The following CATSPERG variants were observed in gnomAD, a reference collection of about 807,000 sequenced individuals.
CATSPERG encodes the protein cation channel sperm-associated auxiliary subunit gamma.
CATSPERG carries 115 observed loss-of-function variants against 145.0 expected under a neutral mutation model. That is an observed-to-expected ratio of 0.79 (90% CI 0.68 to 0.93). The LOEUF (loss-of-function observed/expected upper bound fraction) is 0.93, where lower values mean the gene tolerates loss of function less well. Among genes scored for constraint, CATSPERG ranks in the 40% least tolerant of loss-of-function variants. The pLI is 0.00. For missense variants in CATSPERG, 1,296 were observed against 1,490.1 expected (o/e 0.87, Z 2.14); for synonymous variants, 588 against 589.0 (o/e 1.00, Z 0.02).
chr19:38,368,667 C>G (rs1970496758), intron 26 of CATSPERG, among the ~76,000 whole-genome samples: 1 of 152,216 alleles, frequency 6.6e-6, no homozygotes, highest in Admixed American at 6.5e-5. Flanking sequence ...TCTCAGCCTC[C>G]TGTTTATTTT....
chr19:38,356,713 C>A (rs775163239), intron 10 of CATSPERG, 29 bp from the exon 11 acceptor site: 16 of 1,612,124 alleles, frequency 9.9e-6, no homozygotes, highest in Non-Finnish European at 1.2e-5. Context: ...AGCCCTGGGG[C>A]GGCTCTGGAC....
At chr19:38,367,448 C>T in intron 23 of CATSPERG, 61 bp from the exon 24 acceptor site, 1 of 1,580,866 alleles carries the variant, frequency 6.3e-7, no homozygotes, top group Non-Finnish European at 8.7e-7. Flanking sequence ...CCGTCTCGGT[C>T]CTCAGCTTCT....
chr19:38,364,380 G>C (rs924605150), intron 20 of CATSPERG, among the ~76,000 whole-genome samples: 129 of 150,808 alleles, frequency 8.6e-4, no homozygotes, highest in Admixed American at 1.5e-3. Context: ...CGGGGCAGAG[G>C]CACTCCCCAC....
rs775639991 is a variant in CATSPERG, at chr19:38,359,575, G to A, written c.1602G>A (p.Thr534=). ...FRGAVAIVTE[T]EEIWYLLEGS... Reference sequence around the variant, plus strand: ...GGGCTGTGGCTATTGTCACAGAGACGGAGGAGGTGGGCTGCCCCGCCCCTC... The same window carrying A: ...GGGCTGTGGCTATTGTCACAGAGACAGAGGAGGTGGGCTGCCCCGCCCCTC... Residue 534 remains threonine (T), a synonymous_variant, in exon 14 of 29, where the codon ACG becomes ACA. Coordinates refer to ENST00000409235, the MANE Select transcript of CATSPERG (RefSeq NM_021185.5). 5.0e-6 allele frequency: 8 copies of A among 1,611,756 alleles called. No individual in the cohort carries two copies. Among genetic ancestry groups the A allele is most frequent in the Admixed American group, 1.7e-5 (1 of 59,942 alleles).
intron 7 of CATSPERG, among the ~76,000 whole-genome samples, chr19:38,350,332 G>A (rs772450175): frequency 2.0e-5 from 3 of 152,134 alleles, no homozygotes; most frequent in African/African-American, 4.8e-5. Flanking sequence ...TCACTGAGAC[G>A]GGGTTTCTCG....
chr19:38,360,030 C>A, intron 14 of CATSPERG: 1 of 985,114 alleles, frequency 1.0e-6, no homozygotes, highest in Non-Finnish European at 1.2e-6. Context: ...GAGGGGATCC[C>A]CCAGGTTGTG....
chr19:38,347,940 C>CA (rs887808428), intron 7 of CATSPERG, among the ~76,000 whole-genome samples: 2,786 of 102,440 alleles, frequency 0.027, 28 homozygotes, highest in Non-Finnish European at 0.038. Context: ...GACTCTGTCT[C>CA]AAAAAAAAAA....
Position 38,370,864 on chromosome 19 carries a change from G to A in CATSPERG, c.*72G>A. 1 of 1,507,170 alleles carries A rather than the reference G, an allele frequency of 6.6e-7. No individual in the cohort carries two copies. The highest frequency in any genetic ancestry group is 9.1e-7 in the Non-Finnish European group (1 of 1,095,354). 93.4% of individuals were successfully genotyped at this position (1,507,170 alleles called of 1,614,324 possible). A position where few individuals can be genotyped will look rare whatever the true frequency, so the allele number is the denominator to read the frequency against. ...GAGGCCCATCTTGAAGATGCAACCT[G>A]TCACCCAGCCCAGGCCTCTCTTTCT... On this transcript the variant is annotated 3_prime_UTR_variant, in exon 29 of 29. Coordinates refer to ENST00000409235, the MANE Select transcript of CATSPERG (RefSeq NM_021185.5).
chr19:38,369,417 T>C, intron 26 of CATSPERG: 1 of 207,344 alleles, frequency 4.8e-6, no homozygotes. Context: ...CATGCCACCA[T>C]GCCCCGCTAA....
At chr19:38,369,167 C>T (rs2145116807) in intron 26 of CATSPERG, among the ~76,000 whole-genome samples, 1 of 152,184 alleles carries the variant, frequency 6.6e-6, no homozygotes, top group Admixed American at 6.5e-5. Context: ...AAGTTTCATT[C>T]AATGAAAGGA....
chr19:38,368,030 T>C lies in CATSPERG; in HGVS notation c.2931-18T>C, dbSNP rs1399783853. 3 of 1,612,542 alleles carry C rather than the reference T, an allele frequency of 1.9e-6. No individual in the cohort carries two copies. The highest frequency in any genetic ancestry group is 1.3e-5 in the African/African-American group (1 of 74,880). On this transcript the variant is annotated intron_variant, in intron 25 of 28. Coordinates refer to ENST00000409235, the MANE Select transcript of CATSPERG (RefSeq NM_021185.5). ...ACCGCCCCCCAACCCCTGGCTGAGATGACCTGGGCCTGCACAGGACCAACA... is the reference window on the plus strand; with the variant it reads ...ACCGCCCCCCAACCCCTGGCTGAGACGACCTGGGCCTGCACAGGACCAACA...
chr19:38,367,638 C>G (rs768630922), intron 24 of CATSPERG, 43 bp from the exon 25 acceptor site: 2 of 1,611,850 alleles, frequency 1.2e-6, no homozygotes, highest in African/African-American at 1.3e-5. Context: ...GTGCAGGACT[C>G]GAGACCCGGA....
chr19:38,368,188 G>A (rs1170746448), intron 26 of CATSPERG, 51 bp downstream of exon 26: 1 of 1,508,960 alleles, frequency 6.6e-7, no homozygotes, highest in East Asian at 2.3e-5. Context: ...GTAGTCCATT[G>A]GGCCCACCTA....
Position 38,362,821 on chromosome 19 carries a change from G to C in CATSPERG, c.2464G>C (p.Val822Leu). The C allele has an allele frequency of 6.2e-7, 1 of 1,612,190 alleles. No individual in the cohort carries two copies. Among genetic ancestry groups the C allele is most frequent in the Non-Finnish European group, 8.5e-7 (1 of 1,178,328 alleles). Residue 822 changes from valine to leucine, a missense_variant, in exon 20 of 29, where the codon GTG becomes CTG. Val to Leu is a conservative substitution (Grantham distance 32). Transcript: ENST00000409235. Reference sequence around the variant, plus strand: ...GGAGGTCCTGATTAATCGCAACTCGGTGCTATTTTCGGTGAGGCCCCCCGG... The same window carrying C: ...GGAGGTCCTGATTAATCGCAACTCGCTGCTATTTTCGGTGAGGCCCCCCGG... ...KQEVLINRNS[V>L]LFSITLKDKK... is the part of the protein sequence containing the mutation.
rs538952595 is a variant in CATSPERG, at chr19:38,360,004, G to C, written c.1608+423G>C. 1.9e-3 allele frequency: 1,959 copies of C among 1,039,366 alleles called. 3 individuals carry two copies. The highest frequency in any genetic ancestry group is 2.0e-3 in the Non-Finnish European group (1,711 of 862,348). The allele number at this position is 1,039,366 out of a possible 1,614,324, so 64.4% of individuals were successfully genotyped here. A position where few individuals can be genotyped will look rare whatever the true frequency, so the allele number is the denominator to read the frequency against. Reference sequence around the variant, plus strand: ...TCATGGGGGAGACCACATGGAGGGGGACATCTTGGAGGCTGGAGGGGATCC... The same window carrying C: ...TCATGGGGGAGACCACATGGAGGGGCACATCTTGGAGGCTGGAGGGGATCC... On this transcript the variant is annotated intron_variant, in intron 14 of 28. Transcript: ENST00000409235.
chr19:38,369,254 AT>A (rs1970506272), intron 26 of CATSPERG, among the ~76,000 whole-genome samples: 1 of 151,980 alleles, frequency 6.6e-6, no homozygotes, highest in African/African-American at 2.4e-5. Context: ...AACCTGCTTT[AT>A]TTTTTATTTT....
At chr19:38,361,599 G>A (rs1307077575) in intron 16 of CATSPERG, 49 bp from the exon 17 acceptor site, 2 of 1,476,430 alleles carry the variant, frequency 1.4e-6, no homozygotes, top group South Asian at 2.3e-5. Context: ...AGCTTCCAGT[G>A]CGCGGGGTGC....
chr19:38,367,723 C>A lies in CATSPERG; in HGVS notation c.2877C>A (p.Ser959Arg). Residue 959 changes from serine to arginine, a missense_variant, in exon 25 of 29, where the codon AGC becomes AGA. Coordinates refer to ENST00000409235, the MANE Select transcript of CATSPERG (RefSeq NM_021185.5). ...TGGGTGGCGGGCCCACACTGGACAG[C>A]CTCAAGGACTACAGTGAGGACGAAA... ...LVVGGGPTLD[S>R]LKDYSEDEIY... is the part of the protein sequence containing the mutation. 6.2e-7 allele frequency: 1 copy of A among 1,614,152 alleles called. No homozygotes were observed. Among genetic ancestry groups the A allele is most frequent in the Non-Finnish European group, 8.5e-7 (1 of 1,180,010 alleles).
In CATSPERG at chr19:38,362,403, T is replaced by C. The variant is rs1396519070; in HGVS notation, c.2185T>C (p.Trp729Arg). Residue 729 changes from tryptophan to arginine, a missense_variant, in exon 19 of 29, where the codon TGG becomes CGG. Transcript: ENST00000409235. ...TTACTACTTCTTCTTGGCGAGCAATTGGCGAAGCGCGGGCGGCGTGTCCAT... is the reference window on the plus strand; with the variant it reads ...TTACTACTTCTTCTTGGCGAGCAATCGGCGAAGCGCGGGCGGCGTGTCCAT... Reference protein sequence around the residue: ...QDYYFFLASNWRSAGGVSIEM... With the variant: ...QDYYFFLASNRRSAGGVSIEM... 1.9e-6 allele frequency: 3 copies of C among 1,614,120 alleles called. No homozygotes were observed. The Admixed American group carries it at 5.0e-5, about 27-fold the overall frequency.
Sources: gnomAD v4.1 joint callset for allele counts (sites outside exome capture counted in the v4.1 genomes callset) on GRCh38, gnomAD v4.1.1 for gene constraint, MANE v1.5 for transcripts, NCBI Gene and HGNC (gene_info 2026-07-23, HGNC 2026-07-21) for gene names.